ST3GAL2: variants seen among roughly 807,000 people sequenced by gnomAD.
ST3GAL2 encodes ST3 beta-galactoside alpha-2,3-sialyltransferase 2.
In ST3GAL2, 16 loss-of-function variants were observed where a neutral mutation model predicts 37.5. That is an observed-to-expected ratio of 0.43 (90% CI 0.29 to 0.65). The LOEUF (loss-of-function observed/expected upper bound fraction) is 0.65. Ranked by LOEUF, ST3GAL2 falls within the 30% of genes least tolerant of loss-of-function variation. ST3GAL2 has a pLI of 0.17. For missense variants in ST3GAL2, 383 were observed against 487.8 expected, an observed-to-expected ratio of 0.79 and a Z score of 2.02; for synonymous variants, 238 against 202.9, an observed-to-expected ratio of 1.17 and a Z score of -1.47.
chr16:70,399,689 G>A (rs74026021), intron 1 of ST3GAL2, 156 bp from the exon 2 acceptor site: 6,118 of 368,684 alleles, frequency 0.017, 341 homozygotes, highest in African/African-American at 0.12. Flanking sequence ...TAGCTGCACA[G>A]ATAGCATCAC....
intron 1 of ST3GAL2, among the ~76,000 whole-genome samples, chr16:70,437,203 G>T (rs963718641): frequency 6.6e-6 from 1 of 152,180 alleles, no homozygotes; most frequent in Non-Finnish European, 1.5e-5. Context: ...CACTCCCACA[G>T]GCCCCTGCCA....
intron 3 of ST3GAL2, among the ~76,000 whole-genome samples, chr16:70,389,255 A>AT (rs1201261406): frequency 7.3e-6 from 1 of 137,216 alleles, no homozygotes; most frequent in Non-Finnish European, 1.5e-5. Flanking sequence ...GGTTACTAAC[A>AT]TTGGGGGCTT....
At chr16:70,436,226 G>A (rs1173070657) in intron 1 of ST3GAL2, among the ~76,000 whole-genome samples, 2 of 152,032 alleles carry the variant, frequency 1.3e-5, no homozygotes, top group African/African-American at 2.4e-5. Context: ...TCAGGAGTTC[G>A]AAACCAGTCT....
At chr16:70,404,566 G>A (rs1363132862) in intron 1 of ST3GAL2, among the ~76,000 whole-genome samples, 3 of 152,208 alleles carry the variant, frequency 2.0e-5, no homozygotes, top group African/African-American at 7.2e-5. Flanking sequence ...TGAGGACGCA[G>A]AGACATTGGA....
chr16:70,407,922 C>T (rs777061976), intron 1 of ST3GAL2, among the ~76,000 whole-genome samples: 6 of 152,056 alleles, frequency 3.9e-5, no homozygotes, highest in Non-Finnish European at 7.4e-5. Context: ...AGAAAAGAAA[C>T]GTCAAAATAA....
intron 1 of ST3GAL2, among the ~76,000 whole-genome samples, chr16:70,421,524 G>A (rs1053675440): frequency 6.6e-6 from 1 of 152,242 alleles, no homozygotes; most frequent in East Asian, 1.9e-4. Flanking sequence ...GATGTGGAAA[G>A]GAAGGACGCA....
intron 4 of ST3GAL2, among the ~76,000 whole-genome samples, chr16:70,388,133 C>T (rs894246073): frequency 6.7e-6 from 1 of 148,854 alleles, no homozygotes; most frequent in Non-Finnish European, 1.5e-5. Flanking sequence ...AAAAAACAAA[C>T]AAAAAAACAG....
Position 70,398,854 on chromosome 16 carries a change from T to A in ST3GAL2, c.-324A>T, listed in dbSNP as rs1209177138. ...GGGGGAGGTCAGTCCATTGCAGCCC[T>A]CTAGTCCCTTGGGATTGCTGGCTGC... is the stretch of plus-strand genomic sequence containing the variant. On this transcript the variant is annotated 5_prime_UTR_variant, in exon 2 of 7. Coordinates refer to ENST00000342907, the MANE Select transcript of ST3GAL2 (RefSeq NM_006927.4). The A allele has an allele frequency of 1.2e-5, 6 of 500,796 alleles. No individual in the cohort carries two copies. The highest frequency in any genetic ancestry group is 2.1e-5 in the Non-Finnish European group (6 of 284,904). 31.0% of individuals were successfully genotyped at this position (500,796 alleles called of 1,614,324 possible).
At chr16:70,418,564 C>G (rs571849142) in intron 1 of ST3GAL2, among the ~76,000 whole-genome samples, 2 of 152,166 alleles carry the variant, frequency 1.3e-5, no homozygotes, top group Admixed American at 6.5e-5. Flanking sequence ...AGGTGCAGTC[C>G]TCCACTTACA....
intron 3 of ST3GAL2, among the ~76,000 whole-genome samples, chr16:70,390,014 C>T (rs2047472134): frequency 6.6e-6 from 1 of 151,862 alleles, no homozygotes; most frequent in Non-Finnish European, 1.5e-5. Context: ...TCTGGATCTC[C>T]TGACCTCGTG....
At position 70,399,439 on chromosome 16, in the gene ST3GAL2, C is replaced by G. The variant is rs2047540351; in HGVS notation, c.-909G>C. 2 of 398,686 alleles carry G rather than the reference C, an allele frequency of 5.0e-6. No homozygotes were observed. The highest frequency in any genetic ancestry group is 8.8e-5 in the Admixed American group (2 of 22,718). 24.7% of individuals were successfully genotyped at this position (398,686 alleles called of 1,614,324 possible). On this transcript the variant is annotated 5_prime_UTR_variant, in exon 2 of 7. Coordinates refer to ENST00000342907, the MANE Select transcript of ST3GAL2 (RefSeq NM_006927.4). ...CTGGCCCAGGTTCTGCCCATCCCCA[C>G]TCCCCCGGGGCCAGCCTATCCTGCT...
chr16:70,433,677 T>C (rs1315693178), intron 1 of ST3GAL2, among the ~76,000 whole-genome samples: 4 of 152,146 alleles, frequency 2.6e-5, no homozygotes, highest in African/African-American at 9.7e-5. Context: ...CTGAAGAGAC[T>C]GGCCTTTGGT....
intron 3 of ST3GAL2, among the ~76,000 whole-genome samples, chr16:70,390,269 C>CA (rs2047474075): frequency 1.3e-5 from 2 of 152,076 alleles, no homozygotes; most frequent in South Asian, 4.1e-4. Context: ...ATAGGGGTCT[C>CA]ACTGCGTTGT....
At chr16:70,386,532 G>T (rs979153946) in intron 4 of ST3GAL2, among the ~76,000 whole-genome samples, 1 of 152,080 alleles carries the variant, frequency 6.6e-6, no homozygotes, top group African/African-American at 2.4e-5. Context: ...TAGAGACAAG[G>T]TTTCACCATG....
At chr16:70,407,740 A>G (rs2047602448) in intron 1 of ST3GAL2, among the ~76,000 whole-genome samples, 1 of 152,320 alleles carries the variant, frequency 6.6e-6, no homozygotes, top group Admixed American at 6.5e-5. Context: ...GGAGCAAAGC[A>G]AAGAGTGCCC....
At chr16:70,390,021 C>T (rs1431177225) in intron 3 of ST3GAL2, among the ~76,000 whole-genome samples, 2 of 151,892 alleles carry the variant, frequency 1.3e-5, no homozygotes, top group Non-Finnish European at 2.9e-5. Context: ...CTCCTGACCT[C>T]GTGATCCGCC....
chr16:70,392,853 T>C (rs962325228), intron 3 of ST3GAL2, among the ~76,000 whole-genome samples: 2 of 152,222 alleles, frequency 1.3e-5, no homozygotes, highest in African/African-American at 2.4e-5. Flanking sequence ...GGTGCCATCA[T>C]AGCTCACCAC....
intron 1 of ST3GAL2, among the ~76,000 whole-genome samples, chr16:70,435,815 A>T (rs2047821140): frequency 6.6e-6 from 1 of 150,466 alleles, no homozygotes; most frequent in South Asian, 2.1e-4. Flanking sequence ...AAAATAAAAT[A>T]AAATAAAATA....
At chr16:70,407,146 CTTTTT>C (rs768491019) in intron 1 of ST3GAL2, among the ~76,000 whole-genome samples, 2 of 139,906 alleles carry the variant, frequency 1.4e-5, no homozygotes, top group South Asian at 2.3e-4. Flanking sequence ...ACACTATGGC[CTTTTT>C]TTTTTTTTTT....
Sources: allele counts gnomAD v4.1 joint callset (sites outside exome capture counted in the v4.1 genomes callset), GRCh38; gene constraint gnomAD v4.1.1; transcripts MANE v1.5; gene names NCBI Gene and HGNC (gene_info 2026-07-23, HGNC 2026-07-21).